Variants in SETD5 observed in about 807,000 individuals in gnomAD.
The protein encoded by SETD5 is SET domain containing 5.
SETD5 carries 44 observed loss-of-function variants against 153.3 expected under a neutral mutation model. The ratio of observed to expected loss-of-function variants is 0.29; its 90% CI spans 0.23 to 0.37. The LOEUF is 0.37. SETD5 is among the 10% of genes least tolerant of loss of function. SETD5 has a pLI of 1.00. For synonymous variants in SETD5, 716 were observed against 645.2 expected (o/e 1.11, Z -1.66); for missense variants, 1,544 against 1,768.0 (o/e 0.87, Z 2.27).
Position 9,476,174 on chromosome 3 carries a change from T to C in SETD5, c.*83T>C, listed in dbSNP as rs1422315451. 3 of 1,499,852 alleles carry C rather than the reference T, an allele frequency of 2.0e-6. No homozygotes were observed. Among genetic ancestry groups the C allele is most frequent in the Non-Finnish European group, 2.7e-6 (3 of 1,121,402 alleles). The allele number at this position is 1,499,852 out of a possible 1,614,324, so 92.9% of individuals were successfully genotyped here. ...GCCTCTGGAACCTAGGCCGAGCATA[T>C]TGCTGAGGAACGGGGGGTACAAGGT... is the stretch of plus-strand genomic sequence containing the variant. On this transcript the variant is annotated 3_prime_UTR_variant, in exon 23 of 23. Transcript: ENST00000402198.
rs1553601521 is a variant in SETD5 at position 9,397,684 on chromosome 3, C to CGCCGCT, written c.-468_-467insCGCTGC. The CGCCGCT allele has an allele frequency of 4.7e-5, 8 of 170,482 alleles. No homozygotes were observed. The highest frequency in any genetic ancestry group is 2.0e-4 in the African/African-American group (8 of 40,190). The allele number at this position is 170,482 out of a possible 1,614,324, so 10.6% of individuals were successfully genotyped here. On this transcript the variant is annotated 5_prime_UTR_variant, in exon 1 of 23. Transcript: ENST00000402198. Reference sequence around the variant, plus strand: ...CCGCCGCCGCCGCCGCCGCCGCCGCCGCTGCCGGGGGAGGGGCGGCCGCCG... The same window carrying CGCCGCT: ...CCGCCGCCGCCGCCGCCGCCGCCGCCGCCGCTGCTGCCGGGGGAGGGGCGGCCGCCG...
At chr3:9,459,614 C>G (rs1469665602) in intron 17 of SETD5, among the ~76,000 whole-genome samples, 1 of 144,892 alleles carries the variant, frequency 6.9e-6, no homozygotes, top group South Asian at 2.2e-4. Context: ...ACTAAAAATA[C>G]AACAACAACA....
chr3:9,471,066 A>G (rs1032756793), intron 19 of SETD5, 137 bp downstream of exon 19: 2 of 603,004 alleles, frequency 3.3e-6, no homozygotes, highest in Non-Finnish European at 5.8e-6. Flanking sequence ...ATCCAGTGAA[A>G]GACAGGCTGT....
intron 1 of SETD5, chr3:9,398,201 C>T (rs558988669): frequency 2.6e-5 from 4 of 151,590 alleles, no homozygotes; most frequent in African/African-American, 7.3e-5. Context: ...ATCTAGGCGA[C>T]CCAACTCCCC....
At chr3:9,472,905 TG>T (rs2045474785) in intron 19 of SETD5, among the ~76,000 whole-genome samples, 1 of 152,228 alleles carries the variant, frequency 6.6e-6, no homozygotes, top group South Asian at 2.1e-4. Flanking sequence ...TGTGATAGCA[TG>T]CTTCTGTTAC....
chr3:9,401,908 A>C (rs905262008), intron 1 of SETD5, among the ~76,000 whole-genome samples: 3 of 152,206 alleles, frequency 2.0e-5, no homozygotes, highest in Admixed American at 6.5e-5. Context: ...TCGTATATTT[A>C]GTGATATAAC....
intron 19 of SETD5, 34 bp from the exon 20 acceptor site, chr3:9,473,202 A>G (rs756756863): frequency 3.1e-6 from 5 of 1,596,240 alleles, no homozygotes; most frequent in South Asian, 2.2e-5. Context: ...CAGATAGAGT[A>G]CCGTTTTTTG....
At chr3:9,416,383 TA>T (rs1423948321) in intron 1 of SETD5, among the ~76,000 whole-genome samples, 1 of 152,238 alleles carries the variant, frequency 6.6e-6, no homozygotes, top group Non-Finnish European at 1.5e-5. Context: ...CATTTTTGTA[TA>T]TTGGCATATA....
Position 9,447,106 on chromosome 3 carries a change from A to G in SETD5, c.1581A>G (p.Lys527=), listed in dbSNP as rs758405068. The change falls in exon 14 of 23, where the codon AAA becomes AAG. Residue 527 remains lysine, a synonymous_variant. Coordinates refer to ENST00000402198, the MANE Select transcript of SETD5 (RefSeq NM_001080517.3). ...AIMHAFENLE[K]RKKRRDQPLE... is the part of the protein sequence containing the mutation. ...TGCATGCTTTTGAAAACTTAGAGAAAAGAAAGAAGCGGCGGGATCAGCCCT... is the reference window on the plus strand; with the variant it reads ...TGCATGCTTTTGAAAACTTAGAGAAGAGAAAGAAGCGGCGGGATCAGCCCT... 6.2e-7 allele frequency: 1 copy of G among 1,613,966 alleles called. No homozygotes were observed. Among genetic ancestry groups the G allele is most frequent in the East Asian group, 2.2e-5 (1 of 44,876 alleles).
At position 9,436,037 on chromosome 3, in the gene SETD5, A is replaced by G. The variant is rs536412871; in HGVS notation, c.567+131A>G. 5.8e-4 allele frequency: 456 copies of G among 785,336 alleles called. 4 individuals are homozygous for G. The South Asian group carries it at 8.3e-3, about 14-fold the overall frequency. 48.6% of individuals were successfully genotyped at this position (785,336 alleles called of 1,614,324 possible). On this transcript the variant is annotated intron_variant, in intron 7 of 22. Transcript: ENST00000402198. ...AGGGCCACTTTTGTTCTACTTGCAAAAATCAGCTAATCTGTGTTATGTACA... is the reference window on the plus strand; with the variant it reads ...AGGGCCACTTTTGTTCTACTTGCAAGAATCAGCTAATCTGTGTTATGTACA...
At chr3:9,430,997 C>T (rs1410361807) in intron 3 of SETD5, 2 of 985,238 alleles carry the variant, frequency 2.0e-6, no homozygotes, top group Admixed American at 6.1e-5. Flanking sequence ...ACATACCATT[C>T]TGTTAAATTA....
chr3:9,471,018 G>A (rs546420118), intron 19 of SETD5, 89 bp downstream of exon 19: 23 of 685,432 alleles, frequency 3.4e-5, no homozygotes, highest in Admixed American at 1.7e-4. Flanking sequence ...TATGTGTTCC[G>A]CACTACTCTC....
rs978732986 is a variant in SETD5, at chr3:9,473,683, C to A, written c.3497+146C>A. The A allele has an allele frequency of 9.6e-6, 8 of 833,272 alleles. No homozygotes were observed. In the East Asian group the frequency reaches 1.6e-4, roughly 17 times the overall value. The allele number at this position is 833,272 out of a possible 1,614,324, so 51.6% of individuals were successfully genotyped here. On this transcript the variant is annotated intron_variant, in intron 20 of 22. Transcript: ENST00000402198. ...AGCCAACAGTACCATCTGTCCTGTT[C>A]AGCTGATTTAATAATGTCAGCTGCA...
intron 16 of SETD5, among the ~76,000 whole-genome samples, chr3:9,450,391 C>G (rs1328968717): frequency 2.0e-5 from 3 of 152,144 alleles, no homozygotes; most frequent in Non-Finnish European, 4.4e-5. Context: ...CATAACAAGA[C>G]TATTTAAATA....
At chr3:9,402,745 A>T (rs1041448908) in intron 1 of SETD5, among the ~76,000 whole-genome samples, 1 of 152,200 alleles carries the variant, frequency 6.6e-6, no homozygotes, top group African/African-American at 2.4e-5. Flanking sequence ...AAAAAGCGGT[A>T]GCTATAGGAA....
chr3:9,431,814 C>G, intron 3 of SETD5: 1 of 800,858 alleles, frequency 1.2e-6, no homozygotes, highest in East Asian at 1.3e-4. Flanking sequence ...TGCAACTTTC[C>G]TTTTTCCTGT....
chr3:9,435,863 G>A lies in SETD5; in HGVS notation c.524G>A (p.Ser175Asn), dbSNP rs962004809. ...ACCAAACCCAAGAAGCGGAAAAAGAGTCCAGAAAAGGGTCGTGCAGCACCA... is the reference window on the plus strand; with the variant it reads ...ACCAAACCCAAGAAGCGGAAAAAGAATCCAGAAAAGGGTCGTGCAGCACCA... ...RRTKPKKRKK[S>N]PEKGRAAPKT... Residue 175 changes from serine to asparagine, a missense_variant, in exon 7 of 23, where the codon AGT becomes AAT. Ser to Asn is a conservative substitution (Grantham distance 46). Around this residue, in one of 9 missense-constraint regions of SETD5, gnomAD observed 251 missense variants for 326.9 expected, o/e 0.77. Coordinates refer to ENST00000402198, the MANE Select transcript of SETD5 (RefSeq NM_001080517.3). 4 of 1,597,458 alleles carry A rather than the reference G, an allele frequency of 2.5e-6. No individual in the cohort carries two copies. In the African/African-American group the frequency reaches 5.4e-5, roughly 21 times the overall value.
At chr3:9,458,563 T>C (rs1171040401) in intron 17 of SETD5, among the ~76,000 whole-genome samples, 4 of 152,198 alleles carry the variant, frequency 2.6e-5, no homozygotes, top group African/African-American at 9.7e-5. Flanking sequence ...TGAGCTGTGA[T>C]AATGCCACTG....
intron 1 of SETD5, among the ~76,000 whole-genome samples, chr3:9,413,694 TTTA>T (rs1417301217): frequency 6.7e-6 from 1 of 149,418 alleles, no homozygotes; most frequent in Non-Finnish European, 1.5e-5. Flanking sequence ...GTATTATTTA[TTTA>T]TTTTTTTAAG....
Sources: gnomAD v4.1 joint callset for allele counts (sites outside exome capture counted in the v4.1 genomes callset) on GRCh38, gnomAD v4.1.1 for gene constraint, gnomAD v4.1.1 regional missense constraint, MANE v1.5 for transcripts, NCBI Gene and HGNC (gene_info 2026-07-23, HGNC 2026-07-21) for gene names.